The following CLVS2 variants were observed in gnomAD, a reference collection of about 807,000 sequenced individuals.
The protein encoded by CLVS2 is clavesin 2.
CLVS2 carries 19 observed loss-of-function variants against 29.0 expected under a neutral mutation model. The ratio of observed to expected loss-of-function variants is 0.66; its 90% CI spans 0.46 to 0.96. The LOEUF (loss-of-function observed/expected upper bound fraction) is 0.96. Among genes scored for constraint, CLVS2 ranks in the 40% least tolerant of loss-of-function variants. The pLI is 0.00. For synonymous variants in CLVS2, 161 were observed against 151.3 expected (o/e 1.06, Z -0.47); for missense variants, 294 against 404.1 (o/e 0.73, Z 2.34).
At chr6:123,008,318 T>G (rs966784263) in intron 2 of CLVS2, among the ~76,000 whole-genome samples, 1 of 152,172 alleles carries the variant, frequency 6.6e-6, no homozygotes, top group African/African-American at 2.4e-5. Flanking sequence ...CTTTTCTTCA[T>G]TGCTGATTTT....
In CLVS2 at chr6:123,055,906, G is replaced by A. The variant is rs770453643; in HGVS notation, c.776G>A (p.Gly259Glu). Reference protein sequence around the residue: ...FGGMLPPYDMGTWARTLLDHE... With the variant: ...FGGMLPPYDMETWARTLLDHE... Reference sequence around the variant, plus strand: ...GGAATGCTGCCTCCTTATGACATGGGGACATGGGCAAGAACACTGCTAGAC... The same window carrying A: ...GGAATGCTGCCTCCTTATGACATGGAGACATGGGCAAGAACACTGCTAGAC... Residue 259 changes from glycine to glutamate, a missense_variant, in exon 5 of 6, where the codon GGG becomes GAG. Gly to Glu is a moderately conservative substitution (Grantham distance 98). This residue lies in a region of CLVS2 where 212 missense variants were observed against 336.4 expected (regional missense o/e 0.63). Transcript: ENST00000275162. 3 of 1,613,904 alleles carry A rather than the reference G, an allele frequency of 1.9e-6. No individual in the cohort carries two copies. Among genetic ancestry groups the A allele is most frequent in the Non-Finnish European group, 2.5e-6 (3 of 1,179,860 alleles).
At chr6:123,056,204 G>A (rs1772691039) in intron 5 of CLVS2, among the ~76,000 whole-genome samples, 178 bp downstream of exon 5, 1 of 152,108 alleles carries the variant, frequency 6.6e-6, no homozygotes, top group Non-Finnish European at 1.5e-5. Flanking sequence ...TTTTCTTATA[G>A]TGAGAACATT....
chr6:123,000,894 T>A (rs1220573024), intron 2 of CLVS2, among the ~76,000 whole-genome samples: 2 of 152,080 alleles, frequency 1.3e-5, no homozygotes, highest in African/African-American at 4.8e-5. Context: ...ATTCTAGAAA[T>A]GAGGCGGAAG....
At chr6:123,048,148 GAATAA>G (rs1191254842) in intron 3 of CLVS2, among the ~76,000 whole-genome samples, 2 of 151,906 alleles carry the variant, frequency 1.3e-5, no homozygotes, top group Non-Finnish European at 2.9e-5. Flanking sequence ...AAGATAAAGA[GAATAA>G]AATGAGTTTT....
chr6:123,059,652 G>A (rs564216590), intron 5 of CLVS2, among the ~76,000 whole-genome samples: 52 of 152,266 alleles, frequency 3.4e-4, no homozygotes, highest in African/African-American at 1.2e-3. Context: ...TGTTGCTATT[G>A]TTCAAGCAGC....
At chr6:123,046,559 T>A (rs1772516240) in intron 3 of CLVS2, among the ~76,000 whole-genome samples, 1 of 151,494 alleles carries the variant, frequency 6.6e-6, no homozygotes, top group East Asian at 1.9e-4. Context: ...CTCAGGAGAC[T>A]GAGGCAGGAG....
intron 3 of CLVS2, among the ~76,000 whole-genome samples, chr6:123,038,139 A>C (rs1267132104): frequency 6.6e-6 from 1 of 151,904 alleles, no homozygotes. Flanking sequence ...TTCCTGGGAC[A>C]CTCTTCTACC....
chr6:123,052,301 A>G (rs1772622792), intron 4 of CLVS2, among the ~76,000 whole-genome samples: 1 of 152,164 alleles, frequency 6.6e-6, no homozygotes, highest in Non-Finnish European at 1.5e-5. Flanking sequence ...AGCCATGAGG[A>G]CATTTGGGAG....
chr6:123,043,262 TA>T (rs980685315), intron 3 of CLVS2, among the ~76,000 whole-genome samples: 4 of 152,182 alleles, frequency 2.6e-5, no homozygotes, highest in Admixed American at 2.6e-4. Context: ...TTGGTAAAAT[TA>T]TGAATGATTT....
intron 5 of CLVS2, among the ~76,000 whole-genome samples, chr6:123,058,623 C>G (rs1268623931): frequency 6.6e-6 from 1 of 152,038 alleles, no homozygotes; most frequent in Non-Finnish European, 1.5e-5. Flanking sequence ...ATGAATCAGA[C>G]CATGTCACAT....
intron 3 of CLVS2, among the ~76,000 whole-genome samples, chr6:123,021,429 T>C: frequency 6.6e-6 from 1 of 151,520 alleles, no homozygotes; most frequent in East Asian, 1.9e-4. Context: ...ATGCTTCAGT[T>C]AAAAAAAAAT....
rs1272402423 is a variant in CLVS2 at position 123,068,688 on chromosome 6, T to A, written c.*4927T>A. ...AATCATACAAGTCCTTGAAGAATAC[T>A]GAGTATATTATTTGCTATTTTACTC... is the stretch of plus-strand genomic sequence containing the variant. On this transcript the variant is annotated 3_prime_UTR_variant, in exon 6 of 6. Transcript: ENST00000275162. 2 of 151,800 alleles carry A rather than the reference T, an allele frequency of 1.3e-5. No homozygotes were observed. Among genetic ancestry groups the A allele is most frequent in the Non-Finnish European group, 3.0e-5 (2 of 67,756 alleles). The allele number at this position is 151,800 out of a possible 1,614,324, so 9.4% of individuals were successfully genotyped here. A position where few individuals can be genotyped will look rare whatever the true frequency, so the allele number is the denominator to read the frequency against.
chr6:123,044,161 A>G (rs962657606), intron 3 of CLVS2, among the ~76,000 whole-genome samples: 5 of 152,190 alleles, frequency 3.3e-5, no homozygotes, highest in African/African-American at 1.2e-4. Flanking sequence ...TTTTCAACCC[A>G]TCTTGGCTGC....
chr6:123,037,841 A>G (rs749215481), intron 3 of CLVS2, among the ~76,000 whole-genome samples: 40 of 152,310 alleles, frequency 2.6e-4, no homozygotes, highest in Admixed American at 5.2e-4. Context: ...TAAAATATAA[A>G]TATTAAAATG....
At chr6:123,045,752 G>C (rs1312492556) in intron 3 of CLVS2, among the ~76,000 whole-genome samples, 9 of 152,196 alleles carry the variant, frequency 5.9e-5, no homozygotes, top group Admixed American at 1.3e-4. Context: ...TTTAATAGTG[G>C]ACGCAGACAA....
chr6:123,051,865 A>G (rs967419034), intron 4 of CLVS2, among the ~76,000 whole-genome samples: 11 of 152,188 alleles, frequency 7.2e-5, no homozygotes, highest in African/African-American at 2.7e-4. Flanking sequence ...TAAGGAGAGA[A>G]AAATAGTAAA....
chr6:123,014,787 T>A (rs1774802248), intron 3 of CLVS2, among the ~76,000 whole-genome samples: 1 of 152,078 alleles, frequency 6.6e-6, no homozygotes, highest in Admixed American at 6.6e-5. Context: ...ACCATAGTAT[T>A]CTTTTGGTGC....
At chr6:123,013,634 A>T (rs1774783661) in intron 3 of CLVS2, among the ~76,000 whole-genome samples, 1 of 150,466 alleles carries the variant, frequency 6.6e-6, no homozygotes, top group East Asian at 1.9e-4. Context: ...AAACCTACTT[A>T]TTTTTTTGCA....
intron 3 of CLVS2, among the ~76,000 whole-genome samples, chr6:123,027,248 A>G (rs1189725524): frequency 7.9e-5 from 12 of 152,220 alleles, no homozygotes; most frequent in Admixed American, 7.2e-4. Flanking sequence ...TGAAAAATGG[A>G]CAATAGAAAA....
Sources: gnomAD v4.1 joint callset for allele counts (sites outside exome capture counted in the v4.1 genomes callset) on GRCh38, gnomAD v4.1.1 for gene constraint, gnomAD v4.1.1 regional missense constraint, MANE v1.5 for transcripts, NCBI Gene and HGNC (gene_info 2026-07-23, HGNC 2026-07-21) for gene names.